CADPS: variants seen among roughly 807,000 people sequenced by gnomAD.
The protein encoded by CADPS is calcium-dependent secretion activator 1.
In CADPS, 57 loss-of-function variants were observed where a neutral mutation model predicts 167.3. The observed-to-expected ratio is 0.34, with a 90% confidence interval of 0.28 to 0.42. The LOEUF (loss-of-function observed/expected upper bound fraction) is 0.42, where lower values mean the gene tolerates loss of function less well. Among genes scored for constraint, CADPS ranks in the 20% least tolerant of loss-of-function variants. CADPS has a pLI of 1.00. For missense variants in CADPS, 1,414 were observed against 1,738.1 expected, an observed-to-expected ratio of 0.81 and a Z score of 3.32; for synonymous variants, 676 against 635.3, an observed-to-expected ratio of 1.06 and a Z score of -0.96.
In CADPS at chr3:62,535,498, A is replaced by G. The variant is rs560291735; in HGVS notation, c.2103+947T>C. On this transcript the variant is annotated intron_variant, in intron 12 of 29. Coordinates refer to ENST00000383710, the MANE Select transcript of CADPS (RefSeq NM_003716.4). Reference sequence around the variant, plus strand: ...ATTGTCATTATACATATTAGTATCAATAATATCTTAACCCTACTTATTATA... The same window carrying G: ...ATTGTCATTATACATATTAGTATCAGTAATATCTTAACCCTACTTATTATA... Among the ~76,000 whole-genome samples, 661 of 151,960 alleles carry G rather than the reference A, an allele frequency of 4.3e-3. 4 individuals are homozygous for G. Among genetic ancestry groups the G allele is most frequent in the Non-Finnish European group, 7.4e-3 (503 of 67,914 alleles).
At chr3:62,549,795 A>C in intron 11 of CADPS, 108 bp downstream of exon 11, 1 of 846,386 alleles carries the variant, frequency 1.2e-6, no homozygotes. Flanking sequence ...TTCAGCAAAC[A>C]TGATTTTATA....
At chr3:62,615,320 A>G (rs979896906) in intron 6 of CADPS, among the ~76,000 whole-genome samples, 1 of 152,182 alleles carries the variant, frequency 6.6e-6, no homozygotes, top group Non-Finnish European at 1.5e-5. Context: ...GACTATTGGA[A>G]TGGCAGCTTT....
chr3:62,852,189 A>C (rs1166221248), intron 1 of CADPS, among the ~76,000 whole-genome samples: 1 of 150,206 alleles, frequency 6.7e-6, no homozygotes, highest in African/African-American at 2.5e-5. Flanking sequence ...AATTTTTTTC[A>C]AAGTTTTCAA....
rs77487045 is a variant in CADPS, at chr3:62,597,189, T to C, written c.1326-4441A>G. On this transcript the variant is annotated intron_variant, in intron 6 of 29. Coordinates refer to ENST00000383710, the MANE Select transcript of CADPS (RefSeq NM_003716.4). ...TTTATTTTTTCTACAAAAAACAAAGTAAAATAATTAGCTGCATATGGTGGT... is the reference window on the plus strand; with the variant it reads ...TTTATTTTTTCTACAAAAAACAAAGCAAAATAATTAGCTGCATATGGTGGT... 9.1e-3 allele frequency among the ~76,000 whole-genome samples: 1,385 copies of C among 151,904 alleles called. 20 individuals are homozygous for C. Among genetic ancestry groups the C allele is most frequent in the African/African-American group, 0.031 (1,296 of 41,438 alleles).
chr3:62,476,370 G>A (rs2061331697), intron 23 of CADPS, among the ~76,000 whole-genome samples: 2 of 152,040 alleles, frequency 1.3e-5, no homozygotes, highest in Non-Finnish European at 2.9e-5. Flanking sequence ...TAGGTCCGGG[G>A]GTATTTCCAC....
At chr3:62,600,424 T>C (rs879020) in intron 6 of CADPS, among the ~76,000 whole-genome samples, 74,587 of 151,914 alleles carry the variant, frequency 0.49, 19,058 homozygotes, top group Middle Eastern at 0.59. Context: ...CCATCACCCA[T>C]AGAGGCACCT....
At chr3:62,678,550 C>A (rs921825650) in intron 3 of CADPS, among the ~76,000 whole-genome samples, 1 of 151,982 alleles carries the variant, frequency 6.6e-6, no homozygotes, top group Non-Finnish European at 1.5e-5. Context: ...AAGGAAGAAA[C>A]TGCAATGAAT....
chr3:62,806,283 T>C (rs1037899674), intron 1 of CADPS, among the ~76,000 whole-genome samples: 2 of 150,268 alleles, frequency 1.3e-5, no homozygotes, highest in Non-Finnish European at 2.9e-5. Flanking sequence ...ATAGTAGCAA[T>C]AGTAAAGACT....
intron 6 of CADPS, among the ~76,000 whole-genome samples, chr3:62,628,684 T>C (rs2064629133): frequency 6.6e-6 from 1 of 151,114 alleles, no homozygotes; most frequent in Non-Finnish European, 1.5e-5. Flanking sequence ...TGTAGTGCAG[T>C]AGTGCAATCT....
chr3:62,815,883 A>G lies in CADPS; in HGVS notation c.442-49899T>C, dbSNP rs553680732. Among the ~76,000 whole-genome samples, 87 of 152,264 alleles carry G rather than the reference A, an allele frequency of 5.7e-4. 1 individual carries two copies. In the South Asian group the frequency reaches 0.011, roughly 19 times the overall value. On this transcript the variant is annotated intron_variant, in intron 1 of 29. Transcript: ENST00000383710. ...AAAGAAGGAAAGATGAGTAATAACT[A>G]TACTTTTCTGATTGGATTAGAACAG...
chr3:62,854,341 T>A (rs1477754427), intron 1 of CADPS, among the ~76,000 whole-genome samples: 2 of 152,234 alleles, frequency 1.3e-5, no homozygotes, highest in Non-Finnish European at 2.9e-5. Flanking sequence ...AATCAATGTA[T>A]CTGGTGGCAG....
intron 17 of CADPS, among the ~76,000 whole-genome samples, chr3:62,505,983 T>A (rs1437366518): frequency 6.6e-6 from 1 of 152,178 alleles, no homozygotes; most frequent in Non-Finnish European, 1.5e-5. Context: ...TTATCTCTTA[T>A]CCAAAGTCTC....
chr3:62,676,417 T>C (rs2076343074), intron 3 of CADPS, among the ~76,000 whole-genome samples: 1 of 152,130 alleles, frequency 6.6e-6, no homozygotes, highest in Non-Finnish European at 1.5e-5. Flanking sequence ...ATTGAAAAAT[T>C]ATCTATGCTT....
intron 26 of CADPS, among the ~76,000 whole-genome samples, chr3:62,461,202 G>T (rs1468952224): frequency 2.0e-5 from 3 of 152,244 alleles, no homozygotes; most frequent in Admixed American, 1.3e-4. Flanking sequence ...TACATTTAAA[G>T]CACATAGCTT....
At chr3:62,425,913 T>C (rs1449916914) in intron 28 of CADPS, among the ~76,000 whole-genome samples, 1 of 151,526 alleles carries the variant, frequency 6.6e-6, no homozygotes, top group East Asian at 2.0e-4. Context: ...TTAAGCCCAG[T>C]CCTGCCTCCT....
intron 3 of CADPS, among the ~76,000 whole-genome samples, chr3:62,675,090 C>A (rs999300961): frequency 1.3e-5 from 2 of 152,062 alleles, no homozygotes; most frequent in Non-Finnish European, 2.9e-5. Flanking sequence ...GGACTCTCTT[C>A]CACAGAATTA....
At chr3:62,488,480 ATTTAT>A (rs1242059444) in intron 21 of CADPS, among the ~76,000 whole-genome samples, 1 of 150,158 alleles carries the variant, frequency 6.7e-6, no homozygotes, top group Non-Finnish European at 1.5e-5. Flanking sequence ...TTATTTATTT[ATTTAT>A]TTATTTATTT....
At chr3:62,788,581 C>A (rs1030621338) in intron 1 of CADPS, among the ~76,000 whole-genome samples, 1 of 152,140 alleles carries the variant, frequency 6.6e-6, no homozygotes, top group Admixed American at 6.6e-5. Context: ...GTAAAATTTG[C>A]AAAGCTATTG....
In CADPS at chr3:62,731,685, G is replaced by A. The variant is rs1012206987; in HGVS notation, c.888+21756C>T. ...GCAATGTGAGGTAGGAATACAATTT[G>A]CCAACACATATTTCTTGAGGTGTAT... On this transcript the variant is annotated intron_variant, in intron 3 of 29. Coordinates refer to ENST00000383710, the MANE Select transcript of CADPS (RefSeq NM_003716.4). Among the ~76,000 whole-genome samples the A allele has an allele frequency of 3.3e-5, 5 of 151,386 alleles. No individual in the cohort carries two copies. In the East Asian group the frequency reaches 9.7e-4, roughly 29 times the overall value.
Sources: gnomAD v4.1 joint callset for allele counts (sites outside exome capture counted in the v4.1 genomes callset) on GRCh38, gnomAD v4.1.1 for gene constraint, MANE v1.5 for transcripts, NCBI Gene and HGNC (gene_info 2026-07-23, HGNC 2026-07-21) for gene names.